Variants in FGD6 observed in about 807,000 individuals in gnomAD.
FGD6 encodes the protein FYVE, RhoGEF and PH domain containing 6, also known as FYVE, RhoGEF and PH domain-containing protein 6.
Under a neutral mutation model 149.4 loss-of-function variants are expected in FGD6, and 90 were observed. The ratio of observed to expected loss-of-function variants is 0.60; its 90% CI spans 0.51 to 0.72. The LOEUF (loss-of-function observed/expected upper bound fraction) is 0.72. Among genes scored for constraint, FGD6 ranks in the 30% least tolerant of loss-of-function variants. The probability of loss-of-function intolerance (pLI) is 0.00; values close to 1 mark genes in which losing one functional copy is unlikely to be tolerated. For missense variants in FGD6, 1,437 were observed against 1,684.8 expected (o/e 0.85, Z 2.57); for synonymous variants, 527 against 584.0 (o/e 0.90, Z 1.41).
intron 3 of FGD6, among the ~76,000 whole-genome samples, chr12:95,172,361 G>T (rs1379196291): frequency 6.6e-6 from 1 of 152,192 alleles, no homozygotes; most frequent in African/African-American, 2.4e-5. Flanking sequence ...GGGCAACAGA[G>T]CAAGACTCTG....
In FGD6 at chr12:95,108,520, C is replaced by A; in HGVS notation, c.3175G>T (p.Asp1059Tyr). The A allele has an allele frequency of 6.2e-7, 1 of 1,614,052 alleles. No individual in the cohort carries two copies. Among genetic ancestry groups the A allele is most frequent in the Admixed American group, 1.7e-5 (1 of 60,014 alleles). ...ACACTTACTCCTTGCTTCATGGTGT[C>A]ATTGGCGTGGTTGGCTACCTCTATA... ...VVIEVANHAN[D>Y]TMKQGDNFQK... The change falls in exon 10 of 21, where the codon GAC (aspartate) becomes TAC (tyrosine). Residue 1059 changes from aspartate to tyrosine, a missense_variant. By Grantham distance (160) the Asp-to-Tyr change is radical. Coordinates refer to ENST00000343958, the MANE Select transcript of FGD6 (RefSeq NM_018351.4).
intron 3 of FGD6, among the ~76,000 whole-genome samples, chr12:95,167,314 C>A (rs1414271151): frequency 6.6e-6 from 1 of 152,150 alleles, no homozygotes; most frequent in East Asian, 1.9e-4. Context: ...AGCTGCCAGA[C>A]TGTTTTCCAA....
chr12:95,081,684 T>C (rs1877677787), intron 20 of FGD6, 128 bp from the exon 21 acceptor site: 1 of 329,102 alleles, frequency 3.0e-6, no homozygotes, highest in Non-Finnish European at 5.1e-6. Context: ...TATATATATG[T>C]ATTTTTTTTT....
At chr12:95,093,720 G>T (rs144161429) in intron 15 of FGD6, among the ~76,000 whole-genome samples, 1 of 150,632 alleles carries the variant, frequency 6.6e-6, no homozygotes, top group African/African-American at 2.4e-5. Context: ...ATGGTGGCAC[G>T]TGCCTGTAGT....
chr12:95,213,711 C>T (rs764600459), intron 1 of FGD6, among the ~76,000 whole-genome samples: 3 of 152,172 alleles, frequency 2.0e-5, no homozygotes, highest in Non-Finnish European at 2.9e-5. Context: ...AAATCTGCTT[C>T]CAAGAGATAT....
At chr12:95,131,388 CG>C (rs1264258728) in intron 8 of FGD6, among the ~76,000 whole-genome samples, 3 of 152,070 alleles carry the variant, frequency 2.0e-5, no homozygotes, top group Non-Finnish European at 4.4e-5. Context: ...GGATTACAGG[CG>C]TGAGACACCA....
chr12:95,153,580 G>C (rs1880370722), intron 3 of FGD6, among the ~76,000 whole-genome samples: 1 of 152,168 alleles, frequency 6.6e-6, no homozygotes, highest in Non-Finnish European at 1.5e-5. Context: ...AGAATTGCTT[G>C]AACTCAGAAG....
At chr12:95,086,028 A>C (rs1407587320) in intron 18 of FGD6, 120 bp from the exon 19 acceptor site, 1 of 1,038,796 alleles carries the variant, frequency 9.6e-7, no homozygotes, top group East Asian at 2.4e-5. Flanking sequence ...TCAGAATGAA[A>C]TATATTTTCA....
chr12:95,197,946 A>C (rs1881772723), intron 2 of FGD6, among the ~76,000 whole-genome samples: 1 of 152,182 alleles, frequency 6.6e-6, no homozygotes, highest in Non-Finnish European at 1.5e-5. Context: ...ACCTAACCAC[A>C]AGAGCTTTCC....
At chr12:95,158,762 CTG>C (rs1184369785) in intron 3 of FGD6, among the ~76,000 whole-genome samples, 2 of 152,052 alleles carry the variant, frequency 1.3e-5, no homozygotes, top group African/African-American at 2.4e-5. Flanking sequence ...TGGTTCATGT[CTG>C]TAATCCCAGC....
intron 2 of FGD6, among the ~76,000 whole-genome samples, chr12:95,188,367 G>A (rs532436436): frequency 5.4e-5 from 8 of 149,106 alleles, no homozygotes; most frequent in Non-Finnish European, 1.0e-4. Context: ...ATAAGCAGAT[G>A]GGCAAAGCAC....
At chr12:95,110,198 G>T (rs548906193) in intron 9 of FGD6, among the ~76,000 whole-genome samples, 1 of 151,920 alleles carries the variant, frequency 6.6e-6, no homozygotes, top group South Asian at 2.1e-4. Flanking sequence ...GGATGGTCTT[G>T]ATCTCCTGAC....
At chr12:95,164,577 C>G (rs565248308) in intron 3 of FGD6, among the ~76,000 whole-genome samples, 1 of 152,086 alleles carries the variant, frequency 6.6e-6, no homozygotes, top group Admixed American at 6.6e-5. Flanking sequence ...ACTACAGGTA[C>G]ACACTGCTGT....
At position 95,081,560 on chromosome 12, in the gene FGD6, T is replaced by C. The variant is rs764210145; in HGVS notation, c.4257-4A>G. 5 of 1,601,766 alleles carry C rather than the reference T, an allele frequency of 3.1e-6. No homozygotes were observed. Among genetic ancestry groups the C allele is most frequent in the Admixed American group, 3.4e-5 (2 of 59,378 alleles). ...TTCCTGAAATGCTTCTATCCACCTA[T>C]TGATAAGAGAAATCGGTTAGATTTG... is the stretch of plus-strand genomic sequence containing the variant. On this transcript the variant is annotated splice_polypyrimidine_tract_variant and splice_region_variant and intron_variant, in intron 20 of 20. Coordinates refer to ENST00000343958, the MANE Select transcript of FGD6 (RefSeq NM_018351.4).
intron 2 of FGD6, among the ~76,000 whole-genome samples, chr12:95,197,085 A>C (rs1385370284): frequency 6.6e-6 from 1 of 152,088 alleles, no homozygotes; most frequent in Non-Finnish European, 1.5e-5. Context: ...ACTTCTCTCA[A>C]CTTATAGCCA....
intron 2 of FGD6, among the ~76,000 whole-genome samples, chr12:95,194,560 A>G (rs951441774): frequency 2.7e-5 from 4 of 146,610 alleles, no homozygotes; most frequent in South Asian, 4.5e-4. Flanking sequence ...AAACAACAAA[A>G]CAATCTGAAA....
At chr12:95,207,352 C>A (rs570071728) in intron 2 of FGD6, among the ~76,000 whole-genome samples, 13 of 152,274 alleles carry the variant, frequency 8.5e-5, no homozygotes, top group Admixed American at 7.2e-4. Flanking sequence ...TATAAATTAC[C>A]CAGTCTTGAG....
At chr12:95,088,459 A>G (rs1371722705) in intron 18 of FGD6, among the ~76,000 whole-genome samples, 1 of 152,240 alleles carries the variant, frequency 6.6e-6, no homozygotes, top group Non-Finnish European at 1.5e-5. Context: ...CTCTAAATGT[A>G]ATTCTAAAAA....
intron 5 of FGD6, among the ~76,000 whole-genome samples, chr12:95,146,961 A>G (rs981100422): frequency 6.6e-6 from 1 of 152,182 alleles, no homozygotes; most frequent in Non-Finnish European, 1.5e-5. Context: ...GTCAGGTTTT[A>G]TATCTCCAGC....
Sources: gnomAD v4.1 joint callset for allele counts (sites outside exome capture counted in the v4.1 genomes callset) on GRCh38, gnomAD v4.1.1 for gene constraint, MANE v1.5 for transcripts, NCBI Gene and HGNC (gene_info 2026-07-23, HGNC 2026-07-21) for gene names.